IGFL2: variants seen among roughly 807,000 people sequenced by gnomAD.
IGFL2 encodes the protein IGF like family member 2, also known as insulin growth factor-like family member 2.
In IGFL2, 7 loss-of-function variants were observed where a neutral mutation model predicts 13.9. The observed-to-expected ratio is 0.51, with a 90% CI of 0.29 to 0.95. The LOEUF (loss-of-function observed/expected upper bound fraction) is 0.95. Among genes scored for constraint, IGFL2 ranks in the 40% least tolerant of loss-of-function variants. The probability of loss-of-function intolerance (pLI) is 0.08; values close to 1 mark genes in which losing one functional copy is unlikely to be tolerated. For missense variants in IGFL2, 138 were observed against 147.8 expected, an observed-to-expected ratio of 0.93 and a Z score of 0.34; for synonymous variants, 55 against 55.8, an observed-to-expected ratio of 0.99 and a Z score of 0.07.
At chr19:46,093,286 A>G in the IGFL2 span, among the ~76,000 whole-genome samples, 2 of 152,254 alleles carry the variant, frequency 1.3e-5, no homozygotes, top group Admixed American at 6.5e-5. Flanking sequence ...TGATCAAAAT[A>G]TAAAACTTAA....
chr19:46,127,415 C>A, the IGFL2 span, among the ~76,000 whole-genome samples: 1 of 152,132 alleles, frequency 6.6e-6, no homozygotes, highest in Non-Finnish European at 1.5e-5. Context: ...ATATACACAT[C>A]TTGTTCCATG....
chr19:46,139,768 C>A (rs538035829), upstream of IGFL2, among the ~76,000 whole-genome samples: 1 of 152,120 alleles, frequency 6.6e-6, no homozygotes, highest in South Asian at 2.1e-4. Context: ...AACAAAAAAT[C>A]AGAATGGGCT....
chr19:46,214,268 A>G, the IGFL2 span: 2 of 152,192 alleles, frequency 1.3e-5, no homozygotes, highest in African/African-American at 4.8e-5. Context: ...TCCCGCCCAA[A>G]TGCCACGCAT....
At chr19:46,106,505 G>A in the IGFL2 span, among the ~76,000 whole-genome samples, 1 of 152,288 alleles carries the variant, frequency 6.6e-6, no homozygotes, top group South Asian at 2.1e-4. Flanking sequence ...CTGGGATGAA[G>A]GGTGTAAAGG....
At chr19:46,176,220 C>T in the IGFL2 span, among the ~76,000 whole-genome samples, 550 of 150,810 alleles carry the variant, frequency 3.6e-3, 3 homozygotes, top group African/African-American at 0.013. Flanking sequence ...GGAGAAGGAT[C>T]CAATTGGATG....
the IGFL2 span, among the ~76,000 whole-genome samples, chr19:46,089,375 C>A: frequency 1.3e-5 from 2 of 152,104 alleles, no homozygotes; most frequent in African/African-American, 4.8e-5. Context: ...AGTTTTTAAA[C>A]CTTCATGTGA....
At chr19:46,199,263 T>A in the IGFL2 span, among the ~76,000 whole-genome samples, 1 of 152,312 alleles carries the variant, frequency 6.6e-6, no homozygotes, top group African/African-American at 2.4e-5. Context: ...ATTAAACAAA[T>A]GTCTGTCTGA....
intron 1 of IGFL2, among the ~76,000 whole-genome samples, chr19:46,157,258 C>T: frequency 6.6e-6 from 1 of 152,192 alleles, no homozygotes; most frequent in African/African-American, 2.4e-5. Flanking sequence ...GGAGGGAATT[C>T]AATTCATTTC....
At chr19:46,113,514 T>G in the IGFL2 span, 2 of 347,766 alleles carry the variant, frequency 5.8e-6, no homozygotes, top group Non-Finnish European at 5.9e-6. Flanking sequence ...CCAAGATTTA[T>G]CTTTAACCTC....
chr19:46,124,557 C>T, the IGFL2 span: 443 of 1,395,840 alleles, frequency 3.2e-4, 12 homozygotes, highest in South Asian at 8.8e-4. Context: ...AGGAATAAAT[C>T]GGGTTGAGGT....
At chr19:46,138,497 A>G (rs754706302), upstream of IGFL2, among the ~76,000 whole-genome samples, 1 of 152,184 alleles carries the variant, frequency 6.6e-6, no homozygotes, top group Non-Finnish European at 1.5e-5. Flanking sequence ...CTTCACTCAC[A>G]CATGTGCTGG....
At chr19:46,137,223 G>A in the IGFL2 span, 28 of 1,519,166 alleles carry the variant, frequency 1.8e-5, no homozygotes, top group Non-Finnish European at 2.3e-5. Context: ...TTGGGCCCAC[G>A]GCAGGTAATT....
At chr19:46,170,218 C>T in the IGFL2 span, among the ~76,000 whole-genome samples, 1 of 151,646 alleles carries the variant, frequency 6.6e-6, no homozygotes, top group African/African-American at 2.4e-5. Context: ...TGGTGTCACT[C>T]ACTGTTGTGT....
At chr19:46,158,013 A>G (rs1329768370) in intron 1 of IGFL2, among the ~76,000 whole-genome samples, 1 of 152,204 alleles carries the variant, frequency 6.6e-6, no homozygotes, top group Non-Finnish European at 1.5e-5. Flanking sequence ...GGACATTGAA[A>G]TTAATAACAA....
the IGFL2 span, among the ~76,000 whole-genome samples, chr19:46,109,513 T>A: frequency 6.6e-6 from 1 of 152,108 alleles, no homozygotes; most frequent in Non-Finnish European, 1.5e-5. Context: ...AGATGGGGTT[T>A]CACCATGTTA....
At chr19:46,170,790 G>A in the IGFL2 span, among the ~76,000 whole-genome samples, 1 of 152,170 alleles carries the variant, frequency 6.6e-6, no homozygotes, top group Admixed American at 6.5e-5. Flanking sequence ...GGCTTGCTAG[G>A]ATTAGGAAAT....
chr19:46,090,627 G>A, the IGFL2 span, among the ~76,000 whole-genome samples: 8 of 152,200 alleles, frequency 5.3e-5, no homozygotes, highest in African/African-American at 9.6e-5. Context: ...TGACAAGCAC[G>A]TTGCCCGGCT....
chr19:46,102,763 T>G, the IGFL2 span, among the ~76,000 whole-genome samples: 1 of 151,280 alleles, frequency 6.6e-6, no homozygotes, highest in Non-Finnish European at 1.5e-5. Flanking sequence ...CATTTCTGTC[T>G]TCTTATATTA....
the IGFL2 span, among the ~76,000 whole-genome samples, chr19:46,130,591 C>T: frequency 1.3e-5 from 2 of 152,082 alleles, no homozygotes; most frequent in Admixed American, 1.3e-4. Flanking sequence ...TTTAAACTAG[C>T]TTAAGCTGTG....
Sources: allele counts gnomAD v4.1 joint callset (sites outside exome capture counted in the v4.1 genomes callset), GRCh38; gene constraint gnomAD v4.1.1; transcripts MANE v1.5; gene names NCBI Gene and HGNC (gene_info 2026-07-23, HGNC 2026-07-21).